KREMEN1: variants seen among roughly 807,000 people sequenced by gnomAD.
The protein encoded by KREMEN1 is kringle containing transmembrane protein 1.
A neutral mutation model predicts 46.5 loss-of-function variants in KREMEN1; 30 were observed. The observed-to-expected ratio is 0.65, with a 90% confidence interval of 0.48 to 0.88. The LOEUF is 0.88. Among genes scored for constraint, KREMEN1 ranks in the 40% least tolerant of loss-of-function variants. The probability of loss-of-function intolerance (pLI) is 0.00; values close to 1 mark genes in which losing one functional copy is unlikely to be tolerated. For synonymous variants in KREMEN1, 214 were observed against 230.6 expected (o/e 0.93, Z 0.65); for missense variants, 533 against 596.9 (o/e 0.89, Z 1.11).
At chr22:29,118,900 C>T (rs949219280) in intron 3 of KREMEN1, among the ~76,000 whole-genome samples, 10 of 152,158 alleles carry the variant, frequency 6.6e-5, no homozygotes, top group African/African-American at 1.7e-4. Flanking sequence ...AACTCAGTCC[C>T]ACAAGACTGC....
intron 3 of KREMEN1, among the ~76,000 whole-genome samples, chr22:29,101,182 G>C (rs959136066): frequency 2.0e-5 from 3 of 148,146 alleles, no homozygotes; most frequent in African/African-American, 7.6e-5. Context: ...AACCTGGGAG[G>C]CAGAGATTGC....
chr22:29,165,129 T>C (rs1044726876), intron 9 of KREMEN1, among the ~76,000 whole-genome samples: 41 of 151,932 alleles, frequency 2.7e-4, no homozygotes, highest in Admixed American at 2.6e-3. Flanking sequence ...GCCGAGGTTG[T>C]GCCATTGCAC....
intron 3 of KREMEN1, among the ~76,000 whole-genome samples, chr22:29,117,733 G>T (rs2145805106): frequency 6.6e-6 from 1 of 152,274 alleles, no homozygotes; most frequent in Admixed American, 6.5e-5. Flanking sequence ...GAAAGGGAAA[G>T]GACTTCAGCT....
intron 5 of KREMEN1, among the ~76,000 whole-genome samples, chr22:29,129,326 G>A (rs934913992): frequency 4.0e-5 from 6 of 151,654 alleles, no homozygotes; most frequent in Non-Finnish European, 5.9e-5. Flanking sequence ...CAGCCTGGGC[G>A]ACAGAGTGAG....
chr22:29,073,985 C>A lies in KREMEN1; in HGVS notation c.97+758C>A, dbSNP rs989273606. 2.0e-5 allele frequency among the ~76,000 whole-genome samples: 3 copies of A among 152,206 alleles called. No homozygotes were observed. Among genetic ancestry groups the A allele is most frequent in the Non-Finnish European group, 4.4e-5 (3 of 68,022 alleles). On this transcript the variant is annotated intron_variant, in intron 1 of 8. Transcript: ENST00000400335. This position sits in a 1 kb window ranked among gnomAD's most constrained non-coding sequence, Gnocchi z 4.4. Reference sequence around the variant, plus strand: ...GTCCCCTCCCTGAGCCTCACTGCGACGCCCCCGCGTCCCCCAGTCCTCTCC... The same window carrying A: ...GTCCCCTCCCTGAGCCTCACTGCGAAGCCCCCGCGTCCCCCAGTCCTCTCC...
At chr22:29,117,445 T>C (rs2038260244) in intron 3 of KREMEN1, among the ~76,000 whole-genome samples, 1 of 151,998 alleles carries the variant, frequency 6.6e-6, no homozygotes, top group Non-Finnish European at 1.5e-5. Context: ...CGGGCGCCTA[T>C]AGTCCCAGCT....
In KREMEN1 at chr22:29,158,645, C is replaced by T. The variant is rs116678283; in HGVS notation, c.1417-8399C>T. 3.0e-3 allele frequency among the ~76,000 whole-genome samples: 460 copies of T among 152,258 alleles called. 2 individuals carry two copies. The highest frequency in any genetic ancestry group is 0.01 in the African/African-American group (435 of 41,556). ...CCCCATATTTTTATTTTGCACTGGG[C>T]CTCACAAATTACAAAGTCAGTCCTG... On this transcript the variant is annotated intron_variant, in intron 9 of 9. Coordinates refer to the KREMEN1 transcript ENST00000327813.
In KREMEN1 at chr22:29,137,323, G is replaced by A; in HGVS notation, c.632-19G>A. On this transcript the variant is annotated intron_variant, in intron 5 of 8. Coordinates refer to ENST00000400335, the MANE Select transcript of KREMEN1 (RefSeq NM_001039570.3). ...CAAAGGCCCAGACTGAGGGCGTGGT[G>A]TCTTTTTCTCTCCTACAGCTCTCGT... 6.9e-7 allele frequency: 1 copy of A among 1,449,010 alleles called. No homozygotes were observed. The highest frequency in any genetic ancestry group is 9.2e-7 in the Non-Finnish European group (1 of 1,092,828). 89.8% of individuals were successfully genotyped at this position (1,449,010 alleles called of 1,614,324 possible). A position where few individuals can be genotyped will look rare whatever the true frequency, so the allele number is the denominator to read the frequency against.
In KREMEN1 at chr22:29,142,618, T is replaced by G; in HGVS notation, c.*506T>G. The G allele has an allele frequency of 1.0e-6, 1 of 985,588 alleles. No individual in the cohort carries two copies. The highest frequency in any genetic ancestry group is 1.2e-6 in the Non-Finnish European group (1 of 830,044). 61.1% of individuals were successfully genotyped at this position (985,588 alleles called of 1,614,324 possible). A position where few individuals can be genotyped will look rare whatever the true frequency, so the allele number is the denominator to read the frequency against. ...CTCTTGGGAGTTGGTCCCATACAAG[T>G]GCGGACTCCTGGACATTAGCGAGGT... On this transcript the variant is annotated 3_prime_UTR_variant, in exon 9 of 9. Transcript: ENST00000400335.
At position 29,144,768 on chromosome 22, in the gene KREMEN1, T is replaced by G; in HGVS notation, c.*2656T>G. ...GGGGCTGACACTGACCACTGGCCTC[T>G]GGGGTGTCCTGCAGCCCAAATGCCC... is the stretch of plus-strand genomic sequence containing the variant. On this transcript the variant is annotated 3_prime_UTR_variant, in exon 9 of 9. Coordinates refer to ENST00000400335, the MANE Select transcript of KREMEN1 (RefSeq NM_001039570.3). 1 of 985,520 alleles carries G rather than the reference T, an allele frequency of 1.0e-6. No homozygotes were observed. Among genetic ancestry groups the G allele is most frequent in the Non-Finnish European group, 1.2e-6 (1 of 829,970 alleles). The allele number at this position is 985,520 out of a possible 1,614,324, so 61.0% of individuals were successfully genotyped here.
rs5762987 is a variant in KREMEN1 at position 29,093,492 on chromosome 22, A to G, written c.98-766A>G. On this transcript the variant is annotated intron_variant, in intron 1 of 8. Transcript: ENST00000400335. ...CTATCAGCCTCAGTCCCCATCCCCC[A>G]AAGTCTGAGAAGCAGATTTTAGAAA... Among the ~76,000 whole-genome samples the G allele has an allele frequency of 0.024, 3,594 of 152,290 alleles. 297 individuals carry two copies. In the East Asian group the frequency reaches 0.31, roughly 13 times the overall value.
At position 29,144,331 on chromosome 22, in the gene KREMEN1, G is replaced by A; in HGVS notation, c.*2219G>A. ...GTGGCACTCGGCAGCCTGAGTTCAG[G>A]AGAGGTGCTTGGAGCTTCAGGCAGA... On this transcript the variant is annotated 3_prime_UTR_variant, in exon 9 of 9. Coordinates refer to ENST00000400335, the MANE Select transcript of KREMEN1 (RefSeq NM_001039570.3). 3 of 985,904 alleles carry A rather than the reference G, an allele frequency of 3.0e-6. No individual in the cohort carries two copies. Among genetic ancestry groups the A allele is most frequent in the Non-Finnish European group, 3.6e-6 (3 of 830,298 alleles). 61.1% of individuals were successfully genotyped at this position (985,904 alleles called of 1,614,324 possible).
chr22:29,153,619 G>A (rs533428418), intron 9 of KREMEN1, among the ~76,000 whole-genome samples: 2 of 152,032 alleles, frequency 1.3e-5, no homozygotes, highest in Admixed American at 6.6e-5. Flanking sequence ...TTGGCCTCCC[G>A]AAGTGCTGAG....
chr22:29,094,601 AC>A (rs1437240604), intron 2 of KREMEN1, among the ~76,000 whole-genome samples, 181 bp downstream of exon 2: 6 of 145,704 alleles, frequency 4.1e-5, no homozygotes, highest in African/African-American at 1.3e-4. Context: ...ACACACACAC[AC>A]ACACACACAC....
In KREMEN1 at chr22:29,094,239, T is replaced by C. The variant is rs2037842929; in HGVS notation, c.98-19T>C. On this transcript the variant is annotated intron_variant, in intron 1 of 8. Coordinates refer to ENST00000400335, the MANE Select transcript of KREMEN1 (RefSeq NM_001039570.3). ...ATGTTGCCAGAAAATTAGTTTGCTCTGTCTTTTTTTTCTTCTAGAGTGTTT... is the reference window on the plus strand; with the variant it reads ...ATGTTGCCAGAAAATTAGTTTGCTCCGTCTTTTTTTTCTTCTAGAGTGTTT... The C allele has an allele frequency of 6.3e-7, 1 of 1,587,302 alleles. No homozygotes were observed. The highest frequency in any genetic ancestry group is 8.6e-7 in the Non-Finnish European group (1 of 1,167,536).
At chr22:29,096,329 A>C (rs1187156422) in intron 2 of KREMEN1, among the ~76,000 whole-genome samples, 1 of 152,224 alleles carries the variant, frequency 6.6e-6, no homozygotes, top group Non-Finnish European at 1.5e-5. Context: ...CTATCAAGCA[A>C]GTCTTCTCAG....
At chr22:29,081,751 T>G (rs1245537842) in intron 1 of KREMEN1, among the ~76,000 whole-genome samples, 2 of 152,196 alleles carry the variant, frequency 1.3e-5, no homozygotes, top group Non-Finnish European at 2.9e-5. Flanking sequence ...TGGGACCAAT[T>G]AACAAGTACT....
At position 29,100,304 on chromosome 22, in the gene KREMEN1, G is replaced by A. The variant is rs986923609; in HGVS notation, c.352+1351G>A. Among the ~76,000 whole-genome samples the A allele has an allele frequency of 1.1e-4, 16 of 152,062 alleles. No individual in the cohort carries two copies. The South Asian group carries it at 1.7e-3, about 16-fold the overall frequency. On this transcript the variant is annotated intron_variant, in intron 3 of 8. Coordinates refer to ENST00000400335, the MANE Select transcript of KREMEN1 (RefSeq NM_001039570.3). ...CTAATTTTGTATTTTTAGTAGAGAC[G>A]GGGTTTCTCCATGTGGTCAGGCTGG... is the stretch of plus-strand genomic sequence containing the variant.
chr22:29,166,502 CA>C (rs1293005590), intron 9 of KREMEN1, among the ~76,000 whole-genome samples: 2 of 152,204 alleles, frequency 1.3e-5, no homozygotes, highest in Admixed American at 6.5e-5. Flanking sequence ...GCCCACTTTA[CA>C]AAAGCCCAAA....
Sources: allele counts gnomAD v4.1 joint callset (sites outside exome capture counted in the v4.1 genomes callset), GRCh38; gene constraint gnomAD v4.1.1; non-coding constraint Gnocchi (gnomAD v3.1); transcripts MANE v1.5; gene names NCBI Gene and HGNC (gene_info 2026-07-23, HGNC 2026-07-21).